SHOC1: variants seen among roughly 807,000 people sequenced by gnomAD.
SHOC1 encodes the protein shortage in chiasmata 1.
Under a neutral mutation model 179.2 loss-of-function variants are expected in SHOC1, and 136 were observed. The ratio of observed to expected loss-of-function variants is 0.76; its 90% CI spans 0.66 to 0.87. The LOEUF is 0.87. Ranked by LOEUF, SHOC1 falls within the 40% of genes least tolerant of loss-of-function variation. The pLI, the probability that SHOC1 is intolerant of heterozygous loss-of-function variation, is 0.00. For missense variants in SHOC1, 1,538 were observed against 1,700.8 expected (o/e 0.90, Z 1.68); for synonymous variants, 489 against 586.6 (o/e 0.83, Z 2.41).
rs538229294 is a variant in SHOC1, at chr9:111,771,950, A to G, written c.442+3841T>C. On this transcript the variant is annotated intron_variant, in intron 5 of 27. Coordinates refer to ENST00000682961, the MANE Select transcript of SHOC1 (RefSeq NM_001378211.1). ...AGACCTTCCCGTACTGGAGATTTAT[A>G]TCTTTCTCAAGCTCTGGAAAATTTT... 9.2e-5 allele frequency among the ~76,000 whole-genome samples: 14 copies of G among 152,228 alleles called. 1 individual carries two copies. The highest frequency in any genetic ancestry group is 3.4e-4 in the African/African-American group (14 of 41,554).
intron 5 of SHOC1, among the ~76,000 whole-genome samples, chr9:111,763,354 A>G (rs939484652): frequency 2.6e-5 from 4 of 152,138 alleles, no homozygotes; most frequent in Non-Finnish European, 5.9e-5. Context: ...ATATATAACA[A>G]TAGACCCACA....
In SHOC1 at chr9:111,697,412, A is replaced by G. The variant is rs138944777; in HGVS notation, c.3183+2542T>C. Among the ~76,000 whole-genome samples, 484 of 152,150 alleles carry G rather than the reference A, an allele frequency of 3.2e-3. 2 individuals carry two copies. Among genetic ancestry groups the G allele is most frequent in the African/African-American group, 0.011 (471 of 41,506 alleles). ...TGTGTCCAAGTGTTCTCATTGTTCA[A>G]TTCCCACCTATGAGTGAGAACATGC... On this transcript the variant is annotated intron_variant, in intron 24 of 27. Transcript: ENST00000682961.
At chr9:111,788,308 G>A (rs1170532422) in intron 2 of SHOC1, among the ~76,000 whole-genome samples, 7 of 151,564 alleles carry the variant, frequency 4.6e-5, no homozygotes, top group East Asian at 3.9e-4. Flanking sequence ...CACCATGCCC[G>A]GCTGATTTTT....
intron 10 of SHOC1, among the ~76,000 whole-genome samples, chr9:111,744,670 T>C (rs571678495): frequency 4.2e-4 from 64 of 152,330 alleles, no homozygotes; most frequent in African/African-American, 1.4e-3. Context: ...CTTGTAGACT[T>C]TACTGTCATC....
chr9:111,693,554 G>A (rs12553432), intron 26 of SHOC1, among the ~76,000 whole-genome samples: 1 of 151,660 alleles, frequency 6.6e-6, no homozygotes, highest in Non-Finnish European at 1.5e-5. Context: ...AGTGAGCTGA[G>A]ATTGTACCAT....
intron 27 of SHOC1, among the ~76,000 whole-genome samples, chr9:111,689,616 T>TCCGG (rs372500932): frequency 0.58 from 88,216 of 151,358 alleles, 27,465 homozygotes; most frequent in East Asian, 0.8. Context: ...TTTTTTTTAA[T>TCCGG]TTAAATAAAA....
chr9:111,772,672 C>G (rs1835665498), intron 5 of SHOC1, among the ~76,000 whole-genome samples: 2 of 152,264 alleles, frequency 1.3e-5, no homozygotes, highest in South Asian at 4.1e-4. Context: ...CTGTCTGCCC[C>G]AAATGGGAGA....
chr9:111,691,029 A>T (rs1249639663), intron 27 of SHOC1, among the ~76,000 whole-genome samples: 1 of 152,216 alleles, frequency 6.6e-6, no homozygotes, highest in Non-Finnish European at 1.5e-5. Flanking sequence ...AAACAAGAAA[A>T]TTAAATTGTG....
chr9:111,791,238 GA>G (rs954984086), intron 2 of SHOC1, 135 bp downstream of exon 2: 18 of 445,972 alleles, frequency 4.0e-5, no homozygotes, highest in African/African-American at 2.9e-4. Context: ...TCCAAAATCT[GA>G]AAAAAAATCA....
At chr9:111,744,771 G>A (rs1304519729) in intron 10 of SHOC1, among the ~76,000 whole-genome samples, 2 of 152,122 alleles carry the variant, frequency 1.3e-5, no homozygotes, top group Admixed American at 6.6e-5. Context: ...TTTAACTGGC[G>A]TAAGAAGCAG....
intron 9 of SHOC1, 64 bp from the exon 10 acceptor site, chr9:111,746,406 G>T: frequency 9.9e-7 from 1 of 1,011,792 alleles, no homozygotes; most frequent in Non-Finnish European, 1.5e-6. Context: ...TAGGCGTGGT[G>T]GCTCACACCT....
chr9:111,794,638 C>T (rs1836563505), intron 1 of SHOC1, among the ~76,000 whole-genome samples: 1 of 152,094 alleles, frequency 6.6e-6, no homozygotes, highest in African/African-American at 2.4e-5. Flanking sequence ...CCTATTTTCC[C>T]TTATTGTTTA....
At chr9:111,694,122 C>T in intron 25 of SHOC1, 109 bp downstream of exon 25, 1 of 1,199,056 alleles carries the variant, frequency 8.3e-7, no homozygotes, top group African/African-American at 1.5e-5. Context: ...ATTGCACCTA[C>T]CACTCAATTT....
chr9:111,770,372 G>T (rs1386631965), intron 5 of SHOC1, among the ~76,000 whole-genome samples: 2 of 151,886 alleles, frequency 1.3e-5, no homozygotes, highest in Admixed American at 6.6e-5. Flanking sequence ...TTTCATTGTG[G>T]TCAGAAAAGC....
At chr9:111,758,935 A>C (rs1191229412) in intron 5 of SHOC1, 87 bp from the exon 6 acceptor site, 1 of 907,808 alleles carries the variant, frequency 1.1e-6, no homozygotes, top group African/African-American at 1.7e-5. Flanking sequence ...ATCAGTCATT[A>C]GATACAGCTG....
chr9:111,748,623 TTTTC>T (rs1834399466), intron 8 of SHOC1, among the ~76,000 whole-genome samples: 1 of 152,154 alleles, frequency 6.6e-6, no homozygotes, highest in Admixed American at 6.5e-5. Context: ...TGGCTTTCTT[TTTTC>T]TTTCTTTTAT....
intron 7 of SHOC1, among the ~76,000 whole-genome samples, chr9:111,757,733 G>A (rs953747540): frequency 2.0e-5 from 3 of 152,082 alleles, no homozygotes; most frequent in African/African-American, 7.2e-5. Context: ...TCTAGTTCAG[G>A]TGTCAATTTT....
chr9:111,742,615 C>A (rs1407402932), intron 10 of SHOC1, among the ~76,000 whole-genome samples: 1 of 152,194 alleles, frequency 6.6e-6, no homozygotes, highest in Admixed American at 6.5e-5. Context: ...GTGTCCCAAG[C>A]TCCCTGCTAC....
Position 111,691,594 on chromosome 9 carries a change from G to A in SHOC1, c.4383C>T (p.His1461=). 6.2e-7 allele frequency: 1 copy of A among 1,613,584 alleles called. No individual in the cohort carries two copies. Among genetic ancestry groups the A allele is most frequent in the East Asian group, 2.2e-5 (1 of 44,834 alleles). Residue 1461 remains histidine, a synonymous_variant, in exon 27 of 28, where the codon CAC becomes CAT. Coordinates refer to ENST00000682961, the MANE Select transcript of SHOC1 (RefSeq NM_001378211.1). ...CTCCTGAGTTAAATGAAGATTCATGGTGCCTTTTCTGTCCTAAACTTTTTC... is the reference window on the plus strand; with the variant it reads ...CTCCTGAGTTAAATGAAGATTCATGATGCCTTTTCTGTCCTAAACTTTTTC... ...RAGKSLGQKR[H]HESSFNSGDK... is the part of the protein sequence containing the mutation.
Sources: allele counts gnomAD v4.1 joint callset (sites outside exome capture counted in the v4.1 genomes callset), GRCh38; gene constraint gnomAD v4.1.1; transcripts MANE v1.5; gene names NCBI Gene and HGNC (gene_info 2026-07-23, HGNC 2026-07-21).